Variants in SMIM47 observed in about 807,000 individuals in gnomAD.
SMIM47 encodes small integral membrane protein 47.
chr19:50,786,129 T>C, the SMIM47 span: 1 of 398,526 alleles, frequency 2.5e-6, no homozygotes, highest in Non-Finnish European at 4.4e-6. Context: ...AGCCACCCCT[T>C]GGTTGGTCTT....
the SMIM47 span, chr19:50,785,869 G>A: frequency 2.5e-6 from 1 of 398,832 alleles, no homozygotes; most frequent in East Asian, 3.6e-5. Flanking sequence ...GGGAGAGAAA[G>A]AGAGACCAAG....
chr19:50,785,781 G>A, the SMIM47 span: 5 of 398,592 alleles, frequency 1.3e-5, no homozygotes, highest in South Asian at 6.4e-4. Context: ...GGGAGAGGCA[G>A]GGCTCTTGTG....
At chr19:50,785,793 G>C in the SMIM47 span, 1 of 398,506 alleles carries the variant, frequency 2.5e-6, no homozygotes, top group East Asian at 3.6e-5. Context: ...GCTCTTGTGC[G>C]GGGAGGTCCT....
the SMIM47 span, chr19:50,786,020 G>A: frequency 7.5e-6 from 3 of 398,882 alleles, no homozygotes; most frequent in Non-Finnish European, 1.3e-5. Flanking sequence ...GAGATCAGAG[G>A]TCAGGACCCT....
chr19:50,786,107 C>T, the SMIM47 span: 1 of 398,926 alleles, frequency 2.5e-6, no homozygotes, highest in Non-Finnish European at 4.4e-6. Flanking sequence ...AAGTTCATGG[C>T]CTTGGGACTC....
the SMIM47 span, chr19:50,785,823 C>T: frequency 1.3e-5 from 5 of 398,442 alleles, no homozygotes; most frequent in African/African-American, 1.0e-4. Context: ...CACTGCTGAG[C>T]CTGAGAGAGG....
chr19:50,786,038 C>CCTG, the SMIM47 span: 1 of 399,076 alleles, frequency 2.5e-6, no homozygotes, highest in Non-Finnish European at 4.4e-6. Context: ...CCTTCCCCTC[C>CCTG]CTGCCCTCTG....
At chr19:50,786,004 G>T in the SMIM47 span, 34 of 398,698 alleles carry the variant, frequency 8.5e-5, no homozygotes, top group Admixed American at 1.3e-4. Context: ...GTCACATTCT[G>T]GGGGGGAGAT....
At chr19:50,786,058 A>C in the SMIM47 span, 1 of 399,084 alleles carries the variant, frequency 2.5e-6, no homozygotes, top group Non-Finnish European at 4.4e-6. Flanking sequence ...GCCCAGCCCC[A>C]GGCCTCCCTT....
chr19:50,785,794 G>A, the SMIM47 span: 449 of 398,688 alleles, frequency 1.1e-3, no homozygotes, highest in African/African-American at 8.7e-3. Context: ...CTCTTGTGCG[G>A]GGAGGTCCTG....
chr19:50,786,044 C>G, the SMIM47 span: 1 of 399,158 alleles, frequency 2.5e-6, no homozygotes, highest in Non-Finnish European at 4.4e-6. Flanking sequence ...CCTCCCTGCC[C>G]TCTGCCCAGC....
the SMIM47 span, chr19:50,786,082 C>G: frequency 2.8e-5 from 11 of 399,128 alleles, no homozygotes; most frequent in Non-Finnish European, 4.0e-5. Context: ...TGCCAGACCC[C>G]TCCTCACTTC....
chr19:50,785,744 T>C, the SMIM47 span: 1 of 397,934 alleles, frequency 2.5e-6, no homozygotes. Flanking sequence ...TTCAGTTACA[T>C]TTATCTGGCC....
At chr19:50,786,066 C>T in the SMIM47 span, 2 of 399,228 alleles carry the variant, frequency 5.0e-6, no homozygotes, top group Non-Finnish European at 8.8e-6. Flanking sequence ...CCAGGCCTCC[C>T]TTCCCTGCCA....
At chr19:50,786,121 C>G in the SMIM47 span, 1 of 398,802 alleles carries the variant, frequency 2.5e-6, no homozygotes, top group Non-Finnish European at 4.4e-6. Flanking sequence ...GGGACTCCAG[C>G]CACCCCTTGG....
the SMIM47 span, chr19:50,785,984 C>T: frequency 5.0e-6 from 2 of 398,898 alleles, no homozygotes; most frequent in Middle Eastern, 6.3e-4. Context: ...TGAACAAGGC[C>T]ATGGCCAGGG....
the SMIM47 span, chr19:50,785,848 T>C: frequency 2.5e-6 from 1 of 398,702 alleles, no homozygotes; most frequent in Non-Finnish European, 4.4e-6. Flanking sequence ...CAGGGACATA[T>C]ACAGAGATGT....
the SMIM47 span, chr19:50,786,149 T>C: frequency 2.5e-6 from 1 of 398,412 alleles, no homozygotes; most frequent in East Asian, 3.6e-5. Context: ...TCTCTCTCTT[T>C]CCTGGGCCTC....
the SMIM47 span, chr19:50,786,132 T>G: frequency 2.5e-6 from 1 of 398,690 alleles, no homozygotes; most frequent in Non-Finnish European, 4.4e-6. Flanking sequence ...CACCCCTTGG[T>G]TGGTCTTCTC....
Sources: gnomAD v4.1 joint callset for allele counts on GRCh38, gnomAD v4.1.1 for gene constraint, MANE v1.5 for transcripts, NCBI Gene and HGNC (gene_info 2026-07-23, HGNC 2026-07-21) for gene names.